The following PTPRD variants were observed in gnomAD, a reference collection of about 807,000 sequenced individuals.
PTPRD encodes the protein protein tyrosine phosphatase receptor type D.
A neutral mutation model predicts 214.5 loss-of-function variants in PTPRD; 34 were observed. The ratio of observed to expected loss-of-function variants is 0.16; its 90% CI spans 0.12 to 0.21. The LOEUF (loss-of-function observed/expected upper bound fraction) is 0.21. PTPRD is among the 10% of genes least tolerant of loss of function. PTPRD has a pLI of 1.00. For missense variants in PTPRD, 2,545 were observed against 2,398.7 expected, an observed-to-expected ratio of 1.06 and a Z score of -1.27; for synonymous variants, 1,128 against 845.7, an observed-to-expected ratio of 1.33 and a Z score of -5.79.
intron 5 of PTPRD, among the ~76,000 whole-genome samples, chr9:9,871,226 G>C (rs779462738): frequency 4.6e-5 from 7 of 152,044 alleles, no homozygotes; most frequent in Non-Finnish European, 1.0e-4. Flanking sequence ...CCAATTACAA[G>C]TCAAACAAGA....
chr9:10,537,260 AC>A (rs1243310196), intron 2 of PTPRD, among the ~76,000 whole-genome samples: 2 of 152,184 alleles, frequency 1.3e-5, no homozygotes, highest in Non-Finnish European at 2.9e-5. Flanking sequence ...TCTAGAGCTG[AC>A]ATGATATCTC....
At chr9:9,286,448 A>T (rs901963414) in intron 9 of PTPRD, among the ~76,000 whole-genome samples, 2 of 151,750 alleles carry the variant, frequency 1.3e-5, no homozygotes, top group Admixed American at 6.6e-5. Flanking sequence ...CTCACTCTAC[A>T]ACCCTAATCT....
intron 9 of PTPRD, among the ~76,000 whole-genome samples, chr9:9,362,672 C>T (rs971314350): frequency 1.6e-4 from 24 of 151,300 alleles, no homozygotes; most frequent in African/African-American, 4.6e-4. Context: ...GGGGCCAATA[C>T]GTGCTCACAG....
chr9:8,707,756 A>G (rs953104655), intron 12 of PTPRD, among the ~76,000 whole-genome samples: 12 of 152,230 alleles, frequency 7.9e-5, no homozygotes, highest in African/African-American at 2.9e-4. Flanking sequence ...AGTATAATCT[A>G]TTATTGTCTA....
intron 2 of PTPRD, among the ~76,000 whole-genome samples, chr9:10,372,409 T>C (rs1036120529): frequency 6.6e-6 from 1 of 152,098 alleles, no homozygotes; most frequent in East Asian, 1.9e-4. Context: ...GATATTTTTG[T>C]CATGTAATTC....
intron 5 of PTPRD, among the ~76,000 whole-genome samples, chr9:9,930,183 T>C (rs536977375): frequency 2.0e-5 from 3 of 152,274 alleles, no homozygotes; most frequent in African/African-American, 7.2e-5. Context: ...ACATCAGCAC[T>C]GGAAACAGTT....
intron 3 of PTPRD, among the ~76,000 whole-genome samples, chr9:10,067,549 C>A (rs1045773913): frequency 1.3e-5 from 2 of 151,818 alleles, no homozygotes; most frequent in Non-Finnish European, 1.5e-5. Flanking sequence ...GACTGCTTTG[C>A]ACTTACATAC....
intron 2 of PTPRD, among the ~76,000 whole-genome samples, chr9:10,482,117 A>G (rs565557122): frequency 6.0e-4 from 92 of 152,224 alleles, no homozygotes; most frequent in African/African-American, 1.9e-3. Flanking sequence ...CACGCCTGTA[A>G]TCCCAGCATT....
At chr9:9,695,497 C>T (rs1240633106) in intron 7 of PTPRD, among the ~76,000 whole-genome samples, 2 of 152,154 alleles carry the variant, frequency 1.3e-5, no homozygotes, top group Non-Finnish European at 2.9e-5. Flanking sequence ...TAAGCTCAGC[C>T]TAGCACTAGG....
At chr9:10,053,545 C>G (rs566984393) in intron 3 of PTPRD, among the ~76,000 whole-genome samples, 20 of 152,218 alleles carry the variant, frequency 1.3e-4, no homozygotes, top group African/African-American at 4.6e-4. Flanking sequence ...CCTATACCTA[C>G]TATAGATAAT....
intron 3 of PTPRD, among the ~76,000 whole-genome samples, chr9:10,262,829 T>C (rs1453626843): frequency 6.6e-6 from 1 of 152,210 alleles, no homozygotes; most frequent in Non-Finnish European, 1.5e-5. Flanking sequence ...TGATGTGTGA[T>C]ATGGTTTGGC....
chr9:8,435,209 A>G (rs894288878), intron 35 of PTPRD, among the ~76,000 whole-genome samples: 7 of 152,170 alleles, frequency 4.6e-5, no homozygotes, highest in Admixed American at 4.6e-4. Context: ...GAACATTTGA[A>G]TATTTGAAGA....
intron 3 of PTPRD, among the ~76,000 whole-genome samples, chr9:10,078,549 A>G: frequency 7.0e-6 from 1 of 142,710 alleles, no homozygotes; most frequent in Admixed American, 7.1e-5. Flanking sequence ...GAAAGAACCC[A>G]CCCATATAAT....
At chr9:9,539,451 A>G (rs1014361987) in intron 8 of PTPRD, among the ~76,000 whole-genome samples, 5 of 151,990 alleles carry the variant, frequency 3.3e-5, no homozygotes, top group South Asian at 2.1e-4. Context: ...TACATTTCTC[A>G]TAAGTCATGA....
At chr9:8,964,738 T>A (rs2099181701) in intron 11 of PTPRD, among the ~76,000 whole-genome samples, 1 of 152,060 alleles carries the variant, frequency 6.6e-6, no homozygotes, top group Non-Finnish European at 1.5e-5. Flanking sequence ...ATCCCAGAGA[T>A]TTTGTTTTGT....
intron 12 of PTPRD, among the ~76,000 whole-genome samples, chr9:8,704,934 T>A (rs969100638): frequency 2.0e-5 from 3 of 151,650 alleles, no homozygotes; most frequent in African/African-American, 7.3e-5. Context: ...ATATAAAAAA[T>A]AAATAAATAA....
chr9:9,491,496 C>A, intron 8 of PTPRD, among the ~76,000 whole-genome samples: 1 of 151,442 alleles, frequency 6.6e-6, no homozygotes, highest in East Asian at 1.9e-4. Flanking sequence ...AAACTTTCTT[C>A]TCAAGAGCAT....
intron 12 of PTPRD, among the ~76,000 whole-genome samples, chr9:8,655,999 CT>C (rs2154349408): frequency 6.6e-6 from 1 of 152,294 alleles, no homozygotes; most frequent in Admixed American, 6.5e-5. Context: ...TCAGACAAGA[CT>C]TTTTACATCT....
intron 11 of PTPRD, among the ~76,000 whole-genome samples, chr9:8,772,081 C>T (rs2095250907): frequency 6.6e-6 from 1 of 151,964 alleles, no homozygotes. Flanking sequence ...AATATATACA[C>T]CTACTATGTG....
Sources: allele counts gnomAD v4.1 joint callset (sites outside exome capture counted in the v4.1 genomes callset), GRCh38; gene constraint gnomAD v4.1.1; transcripts MANE v1.5; gene names NCBI Gene and HGNC (gene_info 2026-07-23, HGNC 2026-07-21).